Variants in SGCZ observed in about 807,000 individuals in gnomAD.
SGCZ encodes zeta-sarcoglycan.
In SGCZ, 40 loss-of-function variants were observed where a neutral mutation model predicts 41.3. The observed-to-expected ratio is 0.97, with a 90% CI of 0.75 to 1.26. The LOEUF (loss-of-function observed/expected upper bound fraction) is 1.26. SGCZ is among the 50% of genes most tolerant of loss of function. SGCZ has a pLI of 0.00. For missense variants in SGCZ, 552 were observed against 369.8 expected (o/e 1.49, Z -4.04); for synonymous variants, 206 against 137.5 (o/e 1.50, Z -3.49).
chr8:14,532,299 T>C (rs1803156822), intron 2 of SGCZ, among the ~76,000 whole-genome samples: 1 of 152,028 alleles, frequency 6.6e-6, no homozygotes, highest in African/African-American at 2.4e-5. Context: ...CAGAAGCTGG[T>C]TAGAGTAAAC....
Position 14,633,451 on chromosome 8 carries a change from G to A in SGCZ, c.40-78525C>T, listed in dbSNP as rs527360946. On this transcript the variant is annotated intron_variant, in intron 1 of 7. Transcript: ENST00000382080. ...CTATTACTTAACATATAACAAGCAT[G>A]AAATAAGTTATTTCAGCAAAATAAA... 4.6e-5 allele frequency among the ~76,000 whole-genome samples: 7 copies of A among 152,002 alleles called. No homozygotes were observed. The East Asian group carries it at 1.4e-3, about 29-fold the overall frequency.
At chr8:15,001,452 G>A (rs904956525) in intron 1 of SGCZ, among the ~76,000 whole-genome samples, 5 of 152,110 alleles carry the variant, frequency 3.3e-5, no homozygotes, top group South Asian at 2.1e-4. Context: ...AGGGTAGGCC[G>A]GGCATGGTGG....
At chr8:14,339,742 T>C (rs527313962) in intron 2 of SGCZ, among the ~76,000 whole-genome samples, 125 of 152,076 alleles carry the variant, frequency 8.2e-4, no homozygotes, top group Non-Finnish European at 1.6e-3. Flanking sequence ...GCCAAAAGGA[T>C]GGAACTTAAA....
intron 2 of SGCZ, among the ~76,000 whole-genome samples, chr8:14,519,855 GCTT>G: frequency 6.6e-6 from 1 of 152,180 alleles, no homozygotes; most frequent in East Asian, 1.9e-4. Flanking sequence ...CGTGTTTTGT[GCTT>G]CTACTTGTGT....
At chr8:14,796,426 G>T (rs192016396) in intron 1 of SGCZ, among the ~76,000 whole-genome samples, 8,054 of 132,834 alleles carry the variant, frequency 0.061, 426 homozygotes, top group African/African-American at 0.22. Context: ...TTCTATTTTT[G>T]TTTTTTTTCT....
chr8:14,201,598 C>T (rs756525781), intron 4 of SGCZ, among the ~76,000 whole-genome samples: 4 of 152,046 alleles, frequency 2.6e-5, no homozygotes, highest in South Asian at 2.1e-4. Context: ...CAGATAAAAC[C>T]GTAGATCTAG....
chr8:14,535,220 T>C (rs1326183831), intron 2 of SGCZ, among the ~76,000 whole-genome samples: 2 of 151,980 alleles, frequency 1.3e-5, no homozygotes, highest in East Asian at 3.9e-4. Context: ...AGATTTCAAA[T>C]GTTCTGTGTT....
intron 2 of SGCZ, among the ~76,000 whole-genome samples, chr8:14,438,965 T>C: frequency 6.6e-6 from 1 of 151,994 alleles, no homozygotes; most frequent in African/African-American, 2.4e-5. Context: ...CAAAAATAAT[T>C]TTTGTAAATC....
intron 2 of SGCZ, among the ~76,000 whole-genome samples, chr8:14,541,488 G>A (rs1403068449): frequency 1.3e-5 from 2 of 151,996 alleles, no homozygotes. Flanking sequence ...CTTTTTTATG[G>A]CTGCATAGTA....
chr8:14,200,218 T>C (rs1275560307), intron 4 of SGCZ, among the ~76,000 whole-genome samples: 10 of 152,152 alleles, frequency 6.6e-5, no homozygotes, highest in East Asian at 3.8e-4. Flanking sequence ...AAAGAAGATC[T>C]AAATAAATGG....
At chr8:14,555,332 C>T (rs1297798965) in intron 1 of SGCZ, among the ~76,000 whole-genome samples, 1 of 151,964 alleles carries the variant, frequency 6.6e-6, no homozygotes, top group Admixed American at 6.6e-5. Flanking sequence ...TTGGAGATGG[C>T]TCCTGGCGAA....
At chr8:14,373,447 G>T (rs1048107955) in intron 2 of SGCZ, among the ~76,000 whole-genome samples, 1 of 152,118 alleles carries the variant, frequency 6.6e-6, no homozygotes, top group Non-Finnish European at 1.5e-5. Context: ...TTTAAGGAAT[G>T]AAATCCATGA....
intron 1 of SGCZ, among the ~76,000 whole-genome samples, chr8:14,626,897 G>C (rs183048796): frequency 1.3e-5 from 2 of 151,996 alleles, no homozygotes; most frequent in African/African-American, 4.8e-5. Flanking sequence ...TAATAAACTG[G>C]CTCATATTTA....
At chr8:14,583,536 T>G (rs1804963558) in intron 1 of SGCZ, among the ~76,000 whole-genome samples, 1 of 152,080 alleles carries the variant, frequency 6.6e-6, no homozygotes, top group Admixed American at 6.5e-5. Flanking sequence ...AATTTTGGCT[T>G]TTGTTGCCAT....
chr8:15,191,200 T>A (rs1165583198), intron 1 of SGCZ, among the ~76,000 whole-genome samples: 1 of 152,132 alleles, frequency 6.6e-6, no homozygotes, highest in Non-Finnish European at 1.5e-5. Context: ...AATTTTCAAC[T>A]AATAAATCAC....
intron 1 of SGCZ, among the ~76,000 whole-genome samples, chr8:14,785,115 T>G (rs751866608): frequency 2.0e-5 from 3 of 150,862 alleles, no homozygotes; most frequent in Non-Finnish European, 4.4e-5. Flanking sequence ...TTTTTAGTGA[T>G]TTTTCCATAT....
chr8:14,151,077 A>T (rs1803694102), intron 5 of SGCZ, among the ~76,000 whole-genome samples: 1 of 152,142 alleles, frequency 6.6e-6, no homozygotes, highest in Non-Finnish European at 1.5e-5. Context: ...AGTACAAAAA[A>T]TAGTAAGAAA....
chr8:14,436,645 C>G (rs1483913904), intron 2 of SGCZ, among the ~76,000 whole-genome samples: 1 of 152,214 alleles, frequency 6.6e-6, no homozygotes, highest in African/African-American at 2.4e-5. Context: ...TGTTAGGATC[C>G]TGCAAGATGA....
At chr8:14,618,923 A>G (rs1271111497) in intron 1 of SGCZ, among the ~76,000 whole-genome samples, 2 of 152,166 alleles carry the variant, frequency 1.3e-5, no homozygotes, top group Non-Finnish European at 2.9e-5. Flanking sequence ...AAAGCAGTTG[A>G]GCTGCAGAAA....
Sources: gnomAD v4.1 joint callset for allele counts (sites outside exome capture counted in the v4.1 genomes callset) on GRCh38, gnomAD v4.1.1 for gene constraint, MANE v1.5 for transcripts, NCBI Gene and HGNC (gene_info 2026-07-23, HGNC 2026-07-21) for gene names.